BBS7: variants seen among roughly 807,000 people sequenced by gnomAD.
BBS7 encodes Bardet-Biedl syndrome 7, also known as BBSome complex member BBS7.
A neutral mutation model predicts 90.3 loss-of-function variants in BBS7; 50 were observed. The observed-to-expected ratio is 0.55, with a 90% CI of 0.44 to 0.70. The LOEUF (loss-of-function observed/expected upper bound fraction) is 0.70. Among genes scored for constraint, BBS7 ranks in the 30% least tolerant of loss-of-function variants. BBS7 has a pLI of 0.00. For synonymous variants in BBS7, 235 were observed against 287.4 expected (o/e 0.82, Z 1.85); for missense variants, 729 against 838.9 (o/e 0.87, Z 1.62).
intron 13 of BBS7, among the ~76,000 whole-genome samples, chr4:121,838,835 C>T (rs1057402837): frequency 1.5e-4 from 23 of 149,552 alleles, no homozygotes; most frequent in Non-Finnish European, 2.2e-4. Context: ...GTGGAGGATG[C>T]GGTGAACCCA....
chr4:121,839,807 C>T lies in BBS7; in HGVS notation c.1306-111G>A. The stretch of plus-strand genomic sequence containing the variant: ...TTTGCTTAAGCACCTGTCATTGGTG[C>T]TCAGCGCTTTTCAAACATGTTCTAA... On this transcript the variant is annotated intron_variant, in intron 12 of 18. Transcript: ENST00000264499. The T allele has an allele frequency of 3.3e-6, 3 of 902,226 alleles. No individual in the cohort carries two copies. In the South Asian group the frequency reaches 4.3e-5, roughly 13 times the overall value. The allele number at this position is 902,226 out of a possible 1,614,324, so 55.9% of individuals were successfully genotyped here.
chr4:121,827,885 A>G, intron 18 of BBS7: 1 of 1,169,120 alleles, frequency 8.6e-7, no homozygotes. Flanking sequence ...TTGTTCATAT[A>G]TATAGATTAA....
At chr4:121,842,267 A>G (rs1046989917) in intron 12 of BBS7, among the ~76,000 whole-genome samples, 3 of 151,214 alleles carry the variant, frequency 2.0e-5, no homozygotes, top group Non-Finnish European at 4.4e-5. Flanking sequence ...AAAAAAAAAA[A>G]AAAGAAAAAG....
intron 15 of BBS7, among the ~76,000 whole-genome samples, chr4:121,829,344 C>T (rs1725063720): frequency 6.6e-6 from 1 of 151,820 alleles, no homozygotes; most frequent in Non-Finnish European, 1.5e-5. Flanking sequence ...AAGCGATTCT[C>T]CTGCCTCAGC....
At position 121,828,174 on chromosome 4, in the gene BBS7, C is replaced by A. The variant is rs1292881522; in HGVS notation, c.1986G>T (p.Lys662Asn). The A allele has an allele frequency of 1.2e-6, 2 of 1,613,778 alleles. No individual in the cohort carries two copies. The highest frequency in any genetic ancestry group is 3.3e-5 in the Admixed American group (2 of 60,002). The part of the protein sequence containing the change: ...EADHLQEEYK[K>N]QPAHLERLYG... ...AGAGTCTTTCAAGATGTGCAGGTTG[C>A]TTTTTGTATTCTTCCTGTAGGTGAT... The change falls in exon 18 of 19, where the codon AAG (lysine) becomes AAT (asparagine). Residue 662 changes from lysine to asparagine, a missense_variant. Physicochemically the swap from Lys to Asn is moderately conservative, Grantham distance 94. Transcript: ENST00000264499.
intron 12 of BBS7, among the ~76,000 whole-genome samples, chr4:121,840,181 T>C (rs55685419): frequency 0.13 from 19,502 of 152,130 alleles, 3,416 homozygotes; most frequent in African/African-American, 0.4. Context: ...ACTGCTCTCA[T>C]GGTAGTGAAT....
At chr4:121,836,051 T>C (rs1165527286) in intron 13 of BBS7, among the ~76,000 whole-genome samples, 1 of 152,194 alleles carries the variant, frequency 6.6e-6, no homozygotes, top group Non-Finnish European at 1.5e-5. Flanking sequence ...ATAACTTAAT[T>C]GTTGACATTC....
At chr4:121,862,680 A>G (rs1168955762) in intron 3 of BBS7, among the ~76,000 whole-genome samples, 1 of 152,198 alleles carries the variant, frequency 6.6e-6, no homozygotes, top group Admixed American at 6.5e-5. Context: ...GAATTAGATT[A>G]CCATGTTGTG....
chr4:121,847,336 G>A, intron 10 of BBS7, 68 bp downstream of exon 10: 1 of 987,048 alleles, frequency 1.0e-6, no homozygotes, highest in Non-Finnish European at 1.6e-6. Flanking sequence ...GCATCTATAA[G>A]TAATAAAAAG....
At chr4:121,868,167 AT>A (rs1727387993) in intron 1 of BBS7, 121 bp from the exon 2 acceptor site, 2 of 801,672 alleles carry the variant, frequency 2.5e-6, no homozygotes, top group Non-Finnish European at 2.2e-6. Context: ...TCAGTAATTA[AT>A]TTATTTTCTA....
At chr4:121,867,659 A>G (rs72919906) in intron 2 of BBS7, among the ~76,000 whole-genome samples, 1 of 152,202 alleles carries the variant, frequency 6.6e-6, no homozygotes, top group Admixed American at 6.5e-5. Flanking sequence ...AATATGAGAA[A>G]GTTTAAAGAG....
chr4:121,850,649 A>G lies in BBS7; in HGVS notation c.850-1721T>C, dbSNP rs551913913. On this transcript the variant is annotated intron_variant, in intron 8 of 18. Coordinates refer to ENST00000264499, the MANE Select transcript of BBS7 (RefSeq NM_176824.3). ...TCTAATCTATTCTATTTTGTTTTTT[A>G]AAAACGGCACTGGCAACACACTAAT... 1.2e-4 allele frequency among the ~76,000 whole-genome samples: 18 copies of G among 152,302 alleles called. No homozygotes were observed. The South Asian group carries it at 3.7e-3, about 32-fold the overall frequency.
intron 12 of BBS7, among the ~76,000 whole-genome samples, chr4:121,842,909 C>T (rs982783806): frequency 4.6e-5 from 7 of 152,074 alleles, no homozygotes; most frequent in African/African-American, 4.8e-5. Flanking sequence ...AAAGCACTGA[C>T]GTGATCATCT....
At chr4:121,866,289 A>G (rs72919903) in intron 2 of BBS7, among the ~76,000 whole-genome samples, 6,195 of 151,538 alleles carry the variant, frequency 0.041, 413 homozygotes, top group African/African-American at 0.14. Flanking sequence ...TTCATTAACT[A>G]TTTTCCCAGA....
At chr4:121,830,199 C>T (rs1009205181) in intron 15 of BBS7, among the ~76,000 whole-genome samples, 3 of 152,074 alleles carry the variant, frequency 2.0e-5, no homozygotes, top group African/African-American at 4.8e-5. Context: ...GTCAGGAGTT[C>T]GAGACTAACC....
intron 8 of BBS7, among the ~76,000 whole-genome samples, chr4:121,850,943 A>G (rs1486087863): frequency 6.6e-6 from 1 of 152,240 alleles, no homozygotes; most frequent in Non-Finnish European, 1.5e-5. Context: ...AGTTAGATTT[A>G]CAGGTGGGGT....
chr4:121,863,721 A>G (rs1291565230), intron 2 of BBS7, among the ~76,000 whole-genome samples: 2 of 152,232 alleles, frequency 1.3e-5, no homozygotes, highest in African/African-American at 4.8e-5. Flanking sequence ...TGTGACTGAC[A>G]TATTTAATAA....
intron 4 of BBS7, among the ~76,000 whole-genome samples, chr4:121,860,328 A>G (rs943630711): frequency 2.0e-5 from 3 of 152,110 alleles, no homozygotes; most frequent in Admixed American, 2.0e-4. Context: ...TAAGCAGGAA[A>G]GGATATGTGG....
intron 10 of BBS7, among the ~76,000 whole-genome samples, chr4:121,846,215 G>T (rs1726005856): frequency 1.3e-5 from 2 of 152,180 alleles, no homozygotes; most frequent in Non-Finnish European, 2.9e-5. Context: ...CAGTGGTATG[G>T]CTTAACTACC....
Sources: allele counts gnomAD v4.1 joint callset (sites outside exome capture counted in the v4.1 genomes callset), GRCh38; gene constraint gnomAD v4.1.1; transcripts MANE v1.5; gene names NCBI Gene and HGNC (gene_info 2026-07-23, HGNC 2026-07-21).